SIPA1L1: variants seen among roughly 807,000 people sequenced by gnomAD.
The protein encoded by SIPA1L1 is signal induced proliferation associated 1 like 1, also known as signal-induced proliferation-associated 1-like protein 1.
SIPA1L1 carries 26 observed loss-of-function variants against 162.7 expected under a neutral mutation model. The observed-to-expected ratio is 0.16, with a 90% CI of 0.12 to 0.22. The LOEUF is 0.22. SIPA1L1 is among the 10% of genes least tolerant of loss of function. SIPA1L1 has a pLI of 1.00. For missense variants in SIPA1L1, 1,874 were observed against 2,241.0 expected (o/e 0.84, Z 3.31); for synonymous variants, 829 against 837.4 (o/e 0.99, Z 0.17).
chr14:71,532,083 AG>A (rs1464886594), intron 4 of SIPA1L1, among the ~76,000 whole-genome samples: 1 of 152,180 alleles, frequency 6.6e-6, no homozygotes, highest in Non-Finnish European at 1.5e-5. Context: ...TGAACTCAAA[AG>A]ATTTTTTCCC....
intron 10 of SIPA1L1, among the ~76,000 whole-genome samples, chr14:71,667,157 A>G (rs951183070): frequency 6.6e-6 from 1 of 152,074 alleles, no homozygotes; most frequent in Non-Finnish European, 1.5e-5. Context: ...TCTGCACCCC[A>G]TGCCTACCTC....
At chr14:71,509,431 T>G (rs1409280949) in intron 2 of SIPA1L1, among the ~76,000 whole-genome samples, 1 of 152,170 alleles carries the variant, frequency 6.6e-6, no homozygotes, top group East Asian at 1.9e-4. Context: ...TGTTTTTTTG[T>G]AAGGTAGCAT....
chr14:71,633,229 C>T (rs981055957), intron 7 of SIPA1L1, among the ~76,000 whole-genome samples: 4 of 152,130 alleles, frequency 2.6e-5, no homozygotes, highest in African/African-American at 7.2e-5. Context: ...GGCTTGATTT[C>T]GGCTCACTGC....
At chr14:71,346,039 C>G (rs1390642401) in intron 2 of SIPA1L1, among the ~76,000 whole-genome samples, 1 of 152,076 alleles carries the variant, frequency 6.6e-6, no homozygotes, top group African/African-American at 2.4e-5. Context: ...TCCCGAGTAG[C>G]TGGGACTACA....
At chr14:71,723,058 A>G (rs760433169) in intron 17 of SIPA1L1, among the ~76,000 whole-genome samples, 20 of 152,320 alleles carry the variant, frequency 1.3e-4, no homozygotes, top group Middle Eastern at 3.4e-3. Flanking sequence ...TCTTTAACCA[A>G]TGTTGCCCTA....
intron 2 of SIPA1L1, among the ~76,000 whole-genome samples, chr14:71,370,410 A>G (rs899580272): frequency 3.9e-5 from 6 of 152,066 alleles, no homozygotes; most frequent in Admixed American, 2.6e-4. Context: ...TTCTGCATCT[A>G]TTGAGATAAT....
chr14:71,511,351 C>T (rs935211029), intron 2 of SIPA1L1, among the ~76,000 whole-genome samples: 1 of 151,998 alleles, frequency 6.6e-6, no homozygotes, highest in African/African-American at 2.4e-5. Context: ...GTGGTGTGAA[C>T]ACAGCTCACT....
chr14:71,577,783 G>A (rs1388972156), intron 4 of SIPA1L1, among the ~76,000 whole-genome samples: 1 of 139,674 alleles, frequency 7.2e-6, no homozygotes, highest in Non-Finnish European at 1.5e-5. Context: ...CCAAGCTGGA[G>A]TGCAGTGGTC....
chr14:71,367,303 CTTTT>C (rs148859626), intron 2 of SIPA1L1, among the ~76,000 whole-genome samples: 4 of 130,242 alleles, frequency 3.1e-5, no homozygotes, highest in African/African-American at 8.5e-5. Context: ...ACATTCATTG[CTTTT>C]TTTTTTTTTT....
intron 6 of SIPA1L1, among the ~76,000 whole-genome samples, chr14:71,620,277 C>G (rs2039290719): frequency 1.3e-5 from 2 of 152,184 alleles, no homozygotes; most frequent in South Asian, 4.1e-4. Context: ...CCATGTTGGT[C>G]TGGCTGGTCT....
intron 17 of SIPA1L1, 53 bp from the exon 18 acceptor site, chr14:71,723,594 T>C: frequency 6.2e-7 from 1 of 1,605,724 alleles, no homozygotes; most frequent in East Asian, 2.2e-5. Flanking sequence ...AGCACTTTTA[T>C]AGCTGACATA....
At chr14:71,643,968 C>T (rs1402031749) in intron 7 of SIPA1L1, among the ~76,000 whole-genome samples, 1 of 152,058 alleles carries the variant, frequency 6.6e-6, no homozygotes, top group Non-Finnish European at 1.5e-5. Flanking sequence ...CCACCACGCC[C>T]AGCTAAATTT....
chr14:71,704,299 G>A (rs1454221560), intron 15 of SIPA1L1, among the ~76,000 whole-genome samples: 1 of 152,104 alleles, frequency 6.6e-6, no homozygotes, highest in Non-Finnish European at 1.5e-5. Context: ...ATAATGGGCT[G>A]ACCATTCTCT....
At chr14:71,729,097 G>A (rs1172814919) in intron 19 of SIPA1L1, among the ~76,000 whole-genome samples, 1 of 152,186 alleles carries the variant, frequency 6.6e-6, no homozygotes, top group Non-Finnish European at 1.5e-5. Context: ...GTGCAGTGGT[G>A]CAGTCATGGC....
intron 1 of SIPA1L1, among the ~76,000 whole-genome samples, chr14:71,320,768 C>G (rs558028723): frequency 1.3e-5 from 2 of 151,874 alleles, no homozygotes; most frequent in Admixed American, 1.3e-4. Context: ...ACTTGCTTCC[C>G]GTACTGGCCG....
chr14:71,502,119 A>G (rs2050270268), intron 2 of SIPA1L1, among the ~76,000 whole-genome samples: 1 of 147,282 alleles, frequency 6.8e-6, no homozygotes, highest in African/African-American at 2.5e-5. Flanking sequence ...CTGGTATGCT[A>G]ACAAGTAATT....
At chr14:71,419,688 G>A (rs1319852373) in intron 2 of SIPA1L1, among the ~76,000 whole-genome samples, 2 of 151,378 alleles carry the variant, frequency 1.3e-5, no homozygotes, top group East Asian at 2.0e-4. Context: ...TAGTAGAGAC[G>A]GGGTTTCACC....
intron 5 of SIPA1L1, among the ~76,000 whole-genome samples, chr14:71,608,567 A>G (rs989222699): frequency 6.6e-6 from 1 of 152,142 alleles, no homozygotes; most frequent in Non-Finnish European, 1.5e-5. Context: ...GTCATTGACC[A>G]TTTGCAAACC....
chr14:71,525,430 G>A (rs1291509733), intron 3 of SIPA1L1, among the ~76,000 whole-genome samples: 3 of 152,086 alleles, frequency 2.0e-5, no homozygotes, highest in East Asian at 1.9e-4. Context: ...TGATCCACCC[G>A]CCTCGGCCTC....
Sources: allele counts gnomAD v4.1 joint callset (sites outside exome capture counted in the v4.1 genomes callset), GRCh38; gene constraint gnomAD v4.1.1; transcripts MANE v1.5; gene names NCBI Gene and HGNC (gene_info 2026-07-23, HGNC 2026-07-21).